SPTAN1: variants seen among roughly 807,000 people sequenced by gnomAD.
SPTAN1 encodes the protein spectrin alpha chain, non-erythrocytic 1.
SPTAN1 carries 61 observed loss-of-function variants against 331.3 expected under a neutral mutation model. The observed-to-expected ratio is 0.18, with a 90% CI of 0.15 to 0.23. The LOEUF (loss-of-function observed/expected upper bound fraction) is 0.23, where lower values mean the gene tolerates loss of function less well. SPTAN1 is among the 10% of genes least tolerant of loss of function. The pLI is 1.00. For synonymous variants in SPTAN1, 1,153 were observed against 1,173.9 expected (o/e 0.98, Z 0.36); for missense variants, 2,043 against 3,147.9 (o/e 0.65, Z 8.40).
chr9:128,608,224 T>G lies in SPTAN1; in HGVS notation c.4439T>G (p.Val1480Gly). Residue 1480 changes from valine to glycine, a missense_variant, in exon 34 of 57, where the codon GTA (valine) becomes GGA (glycine). Physicochemically the swap from Val to Gly is moderately radical, Grantham distance 109. Around this residue, in one of 12 missense-constraint regions of SPTAN1, gnomAD observed 179 missense variants for 215.7 expected, o/e 0.83. Coordinates refer to ENST00000372739, the MANE Select transcript of SPTAN1 (RefSeq NM_001130438.3). ...GACAAAGGAGACTCACTGGACAGCG[T>G]AGAGGCTCTGATCAAAAAACATGAA... is the stretch of plus-strand genomic sequence containing the variant. ...TEDKGDSLDS[V>G]EALIKKHEDF... The G allele has an allele frequency of 6.2e-7, 1 of 1,614,140 alleles. No homozygotes were observed. The highest frequency in any genetic ancestry group is 8.5e-7 in the Non-Finnish European group (1 of 1,180,028).
At position 128,598,501 on chromosome 9, in the gene SPTAN1, A is replaced by G. The variant is rs1341689346; in HGVS notation, c.3516A>G (p.Gln1172=). 3.7e-6 allele frequency: 6 copies of G among 1,603,950 alleles called. No homozygotes were observed. The highest frequency in any genetic ancestry group is 2.2e-5 in the East Asian group (1 of 44,764). Reference sequence around the variant, plus strand: ...CAGAGGAGGTGCAGGCTGTGCAACAACAGGTAGGTGTCTCCATCTTGGAGT... The same window carrying G: ...CAGAGGAGGTGCAGGCTGTGCAACAGCAGGTAGGTGTCTCCATCTTGGAGT... ...LMAEEVQAVQ[Q]QEVYGMMPRD... Residue 1172 remains glutamine, a synonymous_variant, in exon 25 of 57, where the codon CAA becomes CAG. Coordinates refer to ENST00000372739, the MANE Select transcript of SPTAN1 (RefSeq NM_001130438.3).
rs143846397 is a variant in SPTAN1 at position 128,577,739 on chromosome 9, A to G, written c.1085+233A>G. ...TTCTTCTATTCTGCATCACTGCATT[A>G]TGATTGATAGAATGGGAATGTCCCT... On this transcript the variant is annotated intron_variant, in intron 8 of 56. Transcript: ENST00000372739. This position sits in a 1 kb window ranked among gnomAD's most constrained non-coding sequence, Gnocchi z 4.2. Among the ~76,000 whole-genome samples the G allele has an allele frequency of 2.4e-4, 36 of 152,356 alleles. No individual in the cohort carries two copies. Among genetic ancestry groups the G allele is most frequent in the African/African-American group, 8.7e-4 (36 of 41,576 alleles).
rs886972447 is a variant in SPTAN1, at chr9:128,609,248, G to A, written c.4722G>A (p.Ala1574=). ...GGATCAGTGAAAAATTGCAAACAGC[G>A]AGTGATGAGTCGTACAAGGATCCCA... ...EAWISEKLQT[A]SDESYKDPTN... is the part of the protein sequence containing the mutation. Residue 1574 remains alanine (A), a synonymous_variant, in exon 36 of 57, where the codon GCG becomes GCA. Transcript: ENST00000372739. 6.8e-6 allele frequency: 11 copies of A among 1,614,110 alleles called. No homozygotes were observed. The highest frequency in any genetic ancestry group is 2.7e-5 in the African/African-American group (2 of 74,940).
intron 1 of SPTAN1, among the ~76,000 whole-genome samples, chr9:128,565,369 A>G (rs767082746): frequency 1.6e-4 from 24 of 152,256 alleles, no homozygotes; most frequent in Non-Finnish European, 2.1e-4. Context: ...CTTTTATAGT[A>G]TAAAACATTT....
chr9:128,609,315 A>G (rs766566121), intron 36 of SPTAN1, 31 bp downstream of exon 36: 1 of 1,614,032 alleles, frequency 6.2e-7, no homozygotes, highest in South Asian at 1.1e-5. Flanking sequence ...GTTGGTCTTG[A>G]TGTAGCCTTA....
intron 39 of SPTAN1, among the ~76,000 whole-genome samples, 172 bp downstream of exon 39, chr9:128,612,418 G>A (rs1447247533): frequency 6.6e-6 from 1 of 152,200 alleles, no homozygotes; most frequent in East Asian, 1.9e-4. Flanking sequence ...AGCAAAGGGA[G>A]TGAATGTTAA....
At chr9:128,607,779 G>A in intron 32 of SPTAN1, 73 bp from the exon 33 acceptor site, 1 of 1,611,304 alleles carries the variant, frequency 6.2e-7, no homozygotes, top group South Asian at 1.1e-5. Context: ...CCCACCCTTT[G>A]TGGTGAGTCG....
intron 1 of SPTAN1, among the ~76,000 whole-genome samples, chr9:128,563,770 C>A (rs1849683169): frequency 6.8e-6 from 1 of 147,552 alleles, no homozygotes; most frequent in Non-Finnish European, 1.5e-5. Flanking sequence ...GGCTGGAGTA[C>A]AGTAGTGTGA....
rs1039922112 is a variant in SPTAN1 at position 128,632,437 on chromosome 9, A to G, written c.6966A>G (p.Thr2322=). 6.2e-7 allele frequency: 1 copy of G among 1,614,052 alleles called. No homozygotes were observed. The highest frequency in any genetic ancestry group is 1.3e-5 in the African/African-American group (1 of 74,946). ...NLEQQIQARN[T]TGVTEEALKE... ...ATTTCTGTTTTTCTTCCAGGAACAC[A>G]ACAGGTGTGACTGAGGAGGCCCTCA... The change falls in exon 54 of 57, where the codon ACA becomes ACG. Residue 2322 remains threonine, a synonymous_variant. Coordinates refer to ENST00000372739, the MANE Select transcript of SPTAN1 (RefSeq NM_001130438.3).
intron 52 of SPTAN1, 40 bp from the exon 53 acceptor site, chr9:128,632,087 A>G: frequency 6.2e-7 from 1 of 1,603,946 alleles, no homozygotes; most frequent in Non-Finnish European, 8.5e-7. Flanking sequence ...GACTGAGCTG[A>G]GGGCCCCCGT....
intron 41 of SPTAN1, among the ~76,000 whole-genome samples, 178 bp downstream of exon 41, chr9:128,616,018 T>C (rs1417773263): frequency 6.6e-6 from 1 of 152,114 alleles, no homozygotes. Flanking sequence ...GTGATGATAA[T>C]TGGCGGTGGT....
chr9:128,629,323 G>C lies in SPTAN1; in HGVS notation c.6708-998G>C. On this transcript the variant is annotated intron_variant, in intron 51 of 56. Transcript: ENST00000372739. The surrounding 1 kb of genome is among the most constrained non-coding windows in gnomAD (Gnocchi z 4.9). Reference sequence around the variant, plus strand: ...GAGGGGTCTGTCCTCCCACTGCACCGGCACCCAGCCTCCTGCCCCCAGGTC... The same window carrying C: ...GAGGGGTCTGTCCTCCCACTGCACCCGCACCCAGCCTCCTGCCCCCAGGTC... 5.1e-6 allele frequency: 2 copies of C among 392,812 alleles called. No individual in the cohort carries two copies. Among genetic ancestry groups the C allele is most frequent in the Non-Finnish European group, 9.0e-6 (2 of 223,042 alleles). 24.3% of individuals were successfully genotyped at this position (392,812 alleles called of 1,614,324 possible).
At position 128,608,145 on chromosome 9, in the gene SPTAN1, T is replaced by G. The variant is rs1220414198; in HGVS notation, c.4360T>G (p.Cys1454Gly). 2 of 1,614,178 alleles carry G rather than the reference T, an allele frequency of 1.2e-6. No homozygotes were observed. The highest frequency in any genetic ancestry group is 1.7e-6 in the Non-Finnish European group (2 of 1,180,038). Reference protein sequence around the residue: ...CLELQLFHRDCEQAENWMAAR... With the variant: ...CLELQLFHRDGEQAENWMAAR... ...CCCTCTTTAGCTGTTCCATCGGGAC[T>G]GTGAGCAAGCTGAGAACTGGATGGC... Residue 1454 changes from cysteine (C) to glycine (G), a missense_variant, in exon 34 of 57, where the codon TGT becomes GGT. By Grantham distance (159) the Cys-to-Gly change is radical. Coordinates refer to ENST00000372739, the MANE Select transcript of SPTAN1 (RefSeq NM_001130438.3).
chr9:128,601,485 G>A (rs1855146311), intron 27 of SPTAN1: 1 of 152,082 alleles, frequency 6.6e-6, no homozygotes, highest in African/African-American at 2.4e-5. Context: ...CCAGCATTGT[G>A]GGAGGCTGCC....
Position 128,584,216 on chromosome 9 carries a change from A to G in SPTAN1, c.2194-66A>G, listed in dbSNP as rs148574836. The G allele has an allele frequency of 4.4e-3, 7,065 of 1,611,004 alleles. 88 individuals are homozygous for G. In the Middle Eastern group the frequency reaches 0.053, roughly 12 times the overall value. ...CAGGAATGGAAAAAAGACCTTATCA[A>G]TTTTTCTCTGTATACGATAAAACCA... On this transcript the variant is annotated intron_variant, in intron 16 of 56. Coordinates refer to ENST00000372739, the MANE Select transcript of SPTAN1 (RefSeq NM_001130438.3).
rs1291658133 is a variant in SPTAN1, at chr9:128,580,902, A to T, written c.1324-20A>T. ...TGGGGCTGACCTCATCTCCCTGACCATGTCTCCTATGCCCCCAAGCTGACC... is the reference window on the plus strand; with the variant it reads ...TGGGGCTGACCTCATCTCCCTGACCTTGTCTCCTATGCCCCCAAGCTGACC... On this transcript the variant is annotated intron_variant, in intron 10 of 56. Transcript: ENST00000372739. The T allele has an allele frequency of 6.2e-7, 1 of 1,612,104 alleles. No homozygotes were observed. Among genetic ancestry groups the T allele is most frequent in the East Asian group, 2.2e-5 (1 of 44,888 alleles).
At chr9:128,584,101 C>A in intron 16 of SPTAN1, 132 bp downstream of exon 16, 1 of 1,428,174 alleles carries the variant, frequency 7.0e-7, no homozygotes, top group Non-Finnish European at 9.7e-7. Context: ...TCGCTCTGTG[C>A]TGCATGTGCT....
chr9:128,573,756 T>C (rs1478923933), intron 3 of SPTAN1, among the ~76,000 whole-genome samples: 1 of 149,128 alleles, frequency 6.7e-6, no homozygotes, highest in Admixed American at 6.7e-5. Flanking sequence ...GCCCAGCCCT[T>C]TTCTACTTTT....
At position 128,605,355 on chromosome 9, in the gene SPTAN1, A is replaced by T. The variant is rs1220261648; in HGVS notation, c.3924A>T (p.Glu1308Asp). 1 of 1,614,112 alleles carries T rather than the reference A, an allele frequency of 6.2e-7. No homozygotes were observed. The highest frequency in any genetic ancestry group is 1.3e-5 in the African/African-American group (1 of 74,930). The change falls in exon 31 of 57, where the codon GAA becomes GAT. Residue 1308 changes from glutamate to aspartate, a missense_variant. Coordinates refer to ENST00000372739, the MANE Select transcript of SPTAN1 (RefSeq NM_001130438.3). ...TCCAGTCCCATCCCGAGTCAGCAGA[A>T]GACCTGCAGGAAAAGTGCACAGAGT... is the stretch of plus-strand genomic sequence containing the variant. ...RLIQSHPESA[E>D]DLQEKCTELN...
Sources: gnomAD v4.1 joint callset for allele counts (sites outside exome capture counted in the v4.1 genomes callset) on GRCh38, gnomAD v4.1.1 for gene constraint, gnomAD v4.1.1 regional missense constraint, Gnocchi (gnomAD v3.1) non-coding constraint, MANE v1.5 for transcripts, NCBI Gene and HGNC (gene_info 2026-07-23, HGNC 2026-07-21) for gene names.